The following NRIP1 variants were observed in gnomAD, a reference collection of about 807,000 sequenced individuals.
The protein encoded by NRIP1 is nuclear receptor interacting protein 1.
Under a neutral mutation model 75.0 loss-of-function variants are expected in NRIP1, and 28 were observed. The ratio of observed to expected loss-of-function variants is 0.37; its 90% CI spans 0.28 to 0.51. The LOEUF (loss-of-function observed/expected upper bound fraction) is 0.51, where lower values mean the gene tolerates loss of function less well. Among genes scored for constraint, NRIP1 ranks in the 20% least tolerant of loss-of-function variants. NRIP1 has a pLI of 0.92. For synonymous variants in NRIP1, 526 were observed against 487.6 expected (o/e 1.08, Z -1.04); for missense variants, 1,435 against 1,343.7 (o/e 1.07, Z -1.06).
At chr21:15,004,632 A>G (rs1426606513) in intron 3 of NRIP1, among the ~76,000 whole-genome samples, 1 of 152,278 alleles carries the variant, frequency 6.6e-6, no homozygotes, top group Non-Finnish European at 1.5e-5. Flanking sequence ...GTTCATGGAC[A>G]TGGTTTCATT....
In NRIP1 at chr21:14,966,798, T is replaced by C. The variant is rs2086760292; in HGVS notation, c.1395A>G (p.Gln465=). The C allele has an allele frequency of 3.1e-6, 5 of 1,614,102 alleles. No homozygotes were observed. Among genetic ancestry groups the C allele is most frequent in the Admixed American group, 3.3e-5 (2 of 59,996 alleles). Residue 465 remains glutamine (Q), a synonymous_variant, in exon 4 of 4, where the codon CAA becomes CAG. Coordinates refer to ENST00000318948, the MANE Select transcript of NRIP1 (RefSeq NM_003489.4). The stretch of plus-strand genomic sequence containing the variant: ...TTGGATCCCAAGTGTTTAGCAAGGA[T>C]TGAGTGAAGTTATCCAGGGAAACAG... ...DQPVSLDNFT[Q]SLLNTWDPKV...
At chr21:15,045,924 T>C (rs971209776) in intron 1 of NRIP1, among the ~76,000 whole-genome samples, 1 of 152,244 alleles carries the variant, frequency 6.6e-6, no homozygotes, top group South Asian at 2.1e-4. Flanking sequence ...TCTCATGAGA[T>C]TATACAAATT....
Position 14,965,987 on chromosome 21 carries a change from C to T in NRIP1, c.2206G>A (p.Glu736Lys). ...CTCTCTGAGTGTTCCTGAGTACTTTCATCTCTTAAGGGAGTTTTCTCTTTT... is the reference window on the plus strand; with the variant it reads ...CTCTCTGAGTGTTCCTGAGTACTTTTATCTCTTAAGGGAGTTTTCTCTTTT... Reference protein sequence around the residue: ...EKKEKTPLRDESTQEHSERAL... With the variant: ...EKKEKTPLRDKSTQEHSERAL... Residue 736 changes from glutamate (E) to lysine (K), a missense_variant, in exon 4 of 4, where the codon GAA becomes AAA. Glu to Lys is a moderately conservative substitution (Grantham distance 56). Transcript: ENST00000318948. 2.5e-6 allele frequency: 4 copies of T among 1,613,544 alleles called. No individual in the cohort carries two copies. The highest frequency in any genetic ancestry group is 3.3e-5 in the Admixed American group (2 of 59,874).
intron 2 of NRIP1, among the ~76,000 whole-genome samples, chr21:15,024,408 G>GGC (rs2088460603): frequency 6.6e-6 from 1 of 152,122 alleles, no homozygotes; most frequent in Non-Finnish European, 1.5e-5. Context: ...TGGGTGTGGT[G>GGC]GCAGTCACCT....
chr21:14,966,533 G>C lies in NRIP1; in HGVS notation c.1660C>G (p.Pro554Ala), dbSNP rs756522136. The C allele has an allele frequency of 6.2e-7, 1 of 1,613,986 alleles. No individual in the cohort carries two copies. Among genetic ancestry groups the C allele is most frequent in the African/African-American group, 1.3e-5 (1 of 74,902 alleles). ...STNRTTPVSTPPLLTSSKAGS... is the reference protein window; with the variant it reads ...STNRTTPVSTAPLLTSSKAGS... ...GCTTTGCTTGATGTAAGTAAAGGTG[G>C]AGTGCTCACTGGAGTAGTCCGATTT... is the stretch of plus-strand genomic sequence containing the variant. The change falls in exon 4 of 4, where the codon CCA becomes GCA. Residue 554 changes from proline (P) to alanine (A), a missense_variant. Transcript: ENST00000318948.
intron 3 of NRIP1, among the ~76,000 whole-genome samples, chr21:14,995,636 T>C (rs1441887592): frequency 1.3e-5 from 2 of 152,216 alleles, no homozygotes; most frequent in Non-Finnish European, 2.9e-5. Context: ...AAGAGAATTC[T>C]TATATATGTA....
rs556838590 is a variant in NRIP1, at chr21:14,993,969, G to A, written c.-335+20375C>T. Among the ~76,000 whole-genome samples, 28 of 152,256 alleles carry A rather than the reference G, an allele frequency of 1.8e-4. No individual in the cohort carries two copies. In the South Asian group the frequency reaches 2.1e-3, roughly 11 times the overall value. On this transcript the variant is annotated intron_variant, in intron 3 of 3. Transcript: ENST00000318948. ...TATCTGGTATTTCCAATTCCTGACA[G>A]ATTCTGACATCTACAGTTGGATCAT... is the stretch of plus-strand genomic sequence containing the variant.
chr21:15,033,419 GGGTTCATACCTAGATTATCT>G (rs2088758057), intron 2 of NRIP1, among the ~76,000 whole-genome samples: 2 of 152,000 alleles, frequency 1.3e-5, no homozygotes, highest in African/African-American at 4.8e-5. Flanking sequence ...GGCAGAGTTG[GGGTTCATACCTAGATTATCT>G]GGTCTTGTTC....
intron 1 of NRIP1, among the ~76,000 whole-genome samples, chr21:15,061,940 G>A (rs76417421): frequency 1.3e-5 from 2 of 152,222 alleles, no homozygotes; most frequent in East Asian, 3.9e-4. Context: ...CCATTAGATT[G>A]GCATATTTTG....
At chr21:14,974,697 C>A (rs1241377547) in intron 3 of NRIP1, among the ~76,000 whole-genome samples, 2 of 152,166 alleles carry the variant, frequency 1.3e-5, no homozygotes, top group Non-Finnish European at 2.9e-5. Flanking sequence ...GTGTTGAATA[C>A]CGAGCAATGC....
chr21:15,063,926 G>A (rs1033779988), intron 1 of NRIP1, among the ~76,000 whole-genome samples: 1 of 152,196 alleles, frequency 6.6e-6, no homozygotes, highest in Non-Finnish European at 1.5e-5. Flanking sequence ...CAGCCTGTCC[G>A]CCTCTAAGAC....
chr21:15,060,633 G>A (rs2089404626), intron 1 of NRIP1, among the ~76,000 whole-genome samples: 1 of 151,974 alleles, frequency 6.6e-6, no homozygotes, highest in Admixed American at 6.6e-5. Context: ...ATTCCATGCT[G>A]GTACCCAATT....
chr21:15,014,641 T>C (rs2088182723), intron 2 of NRIP1, among the ~76,000 whole-genome samples, 175 bp from the exon 3 acceptor site: 1 of 152,178 alleles, frequency 6.6e-6, no homozygotes, highest in African/African-American at 2.4e-5. Context: ...CAGAAAGCAA[T>C]AGATCTCTGC....
intron 2 of NRIP1, among the ~76,000 whole-genome samples, chr21:15,027,658 C>T (rs888000135): frequency 1.3e-5 from 2 of 152,142 alleles, no homozygotes; most frequent in Non-Finnish European, 2.9e-5. Context: ...TTAATTACTG[C>T]GAACTTCAGA....
At chr21:15,018,559 G>A (rs906773694) in intron 2 of NRIP1, among the ~76,000 whole-genome samples, 3 of 152,164 alleles carry the variant, frequency 2.0e-5, no homozygotes, top group Non-Finnish European at 4.4e-5. Context: ...TGCAAAGGAC[G>A]TGCCTGCTTA....
At chr21:15,052,656 T>C (rs2089226372) in intron 1 of NRIP1, among the ~76,000 whole-genome samples, 1 of 152,184 alleles carries the variant, frequency 6.6e-6, no homozygotes, top group South Asian at 2.1e-4. Flanking sequence ...ACGCAGCATA[T>C]CTTTTCAAAT....
intron 2 of NRIP1, among the ~76,000 whole-genome samples, chr21:15,032,237 T>C (rs1331131809): frequency 6.6e-6 from 1 of 152,232 alleles, no homozygotes; most frequent in African/African-American, 2.4e-5. Flanking sequence ...CAAGAACTCT[T>C]CAAATTCTCA....
At chr21:15,031,104 A>C (rs1464803740) in intron 2 of NRIP1, among the ~76,000 whole-genome samples, 3 of 125,934 alleles carry the variant, frequency 2.4e-5, no homozygotes, top group East Asian at 5.2e-4. Flanking sequence ...GAGGATCACC[A>C]CATTCCCTTT....
intron 2 of NRIP1, among the ~76,000 whole-genome samples, chr21:15,028,505 G>C (rs2088573462): frequency 6.6e-6 from 1 of 152,094 alleles, no homozygotes; most frequent in Admixed American, 6.6e-5. Flanking sequence ...TTAGTCCTTG[G>C]GTTGTATTTC....
Sources: gnomAD v4.1 joint callset for allele counts (sites outside exome capture counted in the v4.1 genomes callset) on GRCh38, gnomAD v4.1.1 for gene constraint, MANE v1.5 for transcripts, NCBI Gene and HGNC (gene_info 2026-07-23, HGNC 2026-07-21) for gene names.